The following KAT8 variants were observed in gnomAD, a reference collection of about 807,000 sequenced individuals.
KAT8 encodes lysine acetyltransferase 8, also known as histone acetyltransferase KAT8.
KAT8 carries 40 observed loss-of-function variants against 62.9 expected under a neutral mutation model. The ratio of observed to expected loss-of-function variants is 0.64; its 90% CI spans 0.49 to 0.83. The LOEUF is 0.83. Ranked by LOEUF, KAT8 falls within the 40% of genes least tolerant of loss-of-function variation. KAT8 has a pLI of 0.00. For synonymous variants in KAT8, 278 were observed against 254.5 expected (o/e 1.09, Z -0.88); for missense variants, 387 against 614.8 (o/e 0.63, Z 3.92).
At chr16:31,125,108 C>T (rs997420817) in intron 3 of KAT8, among the ~76,000 whole-genome samples, 1 of 151,672 alleles carries the variant, frequency 6.6e-6, no homozygotes, top group Non-Finnish European at 1.5e-5. Context: ...AGGAGAATCA[C>T]TTAAGCCCAG....
At position 31,128,092 on chromosome 16, in the gene KAT8, C is replaced by T. The variant is rs534168969; in HGVS notation, c.724C>T (p.Arg242Cys). Residue 242 changes from arginine to cysteine, a missense_variant, in exon 6 of 11, where the codon CGC becomes TGC. Around this residue, in one of 6 missense-constraint regions of KAT8, gnomAD observed 141 missense variants for 222.5 expected, o/e 0.63. Transcript: ENST00000219797. ...GCAGCCCCCCGGGAAAGAGATCTAC[C>T]GCAAGAGCAACATCTCCGTGTACGA... ...WRQPPGKEIY[R>C]KSNISVYEVD... 9.3e-6 allele frequency: 15 copies of T among 1,614,028 alleles called. No homozygotes were observed. Among genetic ancestry groups the T allele is most frequent in the African/African-American group, 2.7e-5 (2 of 75,038 alleles).
In KAT8 at chr16:31,124,183, T is replaced by G. The variant is rs1313462707; in HGVS notation, c.463-2852T>G. ...AAATCTTTCTTCCTCATCTTTACAG[T>G]GGTTAGGTTCAGAATTGGACAGACC... is the stretch of plus-strand genomic sequence containing the variant. On this transcript the variant is annotated intron_variant, in intron 3 of 10. Coordinates refer to ENST00000219797, the MANE Select transcript of KAT8 (RefSeq NM_032188.3). The G allele has an allele frequency of 2.0e-5, 3 of 152,208 alleles. No homozygotes were observed. In the East Asian group the frequency reaches 5.8e-4, roughly 29 times the overall value. 9.4% of individuals were successfully genotyped at this position (152,208 alleles called of 1,614,324 possible). A position where few individuals can be genotyped will look rare whatever the true frequency, so the allele number is the denominator to read the frequency against.
At chr16:31,126,653 G>A in intron 3 of KAT8, 1 of 233,826 alleles carries the variant, frequency 4.3e-6, no homozygotes, top group South Asian at 5.4e-5. Context: ...AGGAACATCG[G>A]GGAGGTAGTA....
chr16:31,126,884 C>G (rs2057535286), intron 3 of KAT8, 151 bp from the exon 4 acceptor site: 1 of 783,166 alleles, frequency 1.3e-6, no homozygotes, highest in Non-Finnish European at 2.1e-6. Flanking sequence ...GCTTCAGAAC[C>G]AAGTCAGATA....
rs374418222 is a variant in KAT8 at position 31,130,621 on chromosome 16, C to T, written c.1157+15C>T. 22 of 1,613,578 alleles carry T rather than the reference C, an allele frequency of 1.4e-5. No homozygotes were observed. Among genetic ancestry groups the T allele is most frequent in the South Asian group, 4.4e-5 (4 of 91,032 alleles). On this transcript the variant is annotated intron_variant, in intron 9 of 10. Coordinates refer to ENST00000219797, the MANE Select transcript of KAT8 (RefSeq NM_032188.3). Reference sequence around the variant, plus strand: ...AAGGACCTCAGGTGAGGGGGCCTCCCGGGCCCTGGGGGCAGGACTTGCCCT... The same window carrying T: ...AAGGACCTCAGGTGAGGGGGCCTCCTGGGCCCTGGGGGCAGGACTTGCCCT...
At chr16:31,127,899 T>C (rs1476501705) in intron 5 of KAT8, 151 bp from the exon 6 acceptor site, 2 of 644,208 alleles carry the variant, frequency 3.1e-6, no homozygotes, top group Non-Finnish European at 5.6e-6. Context: ...ATCACTTTCC[T>C]AAGGCTGCTG....
chr16:31,118,186 C>T (rs2057464828), intron 1 of KAT8: 1 of 331,772 alleles, frequency 3.0e-6, no homozygotes. Context: ...ATTCCTTTTT[C>T]TTGCTAACGC....
chr16:31,117,928 G>A (rs2057461238), intron 1 of KAT8, 36 bp downstream of exon 1: 2 of 1,284,886 alleles, frequency 1.6e-6, no homozygotes, highest in Non-Finnish European at 2.0e-6. Context: ...GCGGGGCGGA[G>A]CTCAGGGCCA....
chr16:31,130,705 A>G, intron 9 of KAT8, 41 bp from the exon 10 acceptor site: 1 of 1,612,230 alleles, frequency 6.2e-7, no homozygotes, highest in African/African-American at 1.3e-5. Flanking sequence ...AGATCCCACA[A>G]GGGCACCAGG....
rs17855606 is a variant in KAT8, at chr16:31,130,950, A to G, written c.1312+50A>G. ...GGGGGCGGTGGGGGAGTGTCAGTATATGGACTGGTAGGAGTCAAGGCCTCC... is the reference window on the plus strand; with the variant it reads ...GGGGGCGGTGGGGGAGTGTCAGTATGTGGACTGGTAGGAGTCAAGGCCTCC... On this transcript the variant is annotated intron_variant, in intron 10 of 10. Transcript: ENST00000219797. 0.3 allele frequency: 474,128 copies of G among 1,581,586 alleles called. 78,853 individuals carry two copies. The highest frequency in any genetic ancestry group is 0.35 in the Non-Finnish European group (404,512 of 1,162,292).
At chr16:31,128,847 C>T (rs193174365) in intron 6 of KAT8, among the ~76,000 whole-genome samples, 3 of 152,134 alleles carry the variant, frequency 2.0e-5, no homozygotes, top group African/African-American at 4.8e-5. Flanking sequence ...TTCCTGGCCC[C>T]GAATGACTTC....
rs1434661894 is a variant in KAT8 at position 31,130,278 on chromosome 16, C to G, written c.924C>G (p.Ser308=). Reference sequence around the variant, plus strand: ...CCTGCCTCCTGCAGGAGAAGGAGTCCCCGGATGGAAACAATGTGGCCTGCA... The same window carrying G: ...CCTGCCTCCTGCAGGAGAAGGAGTCGCCGGATGGAAACAATGTGGCCTGCA... ...IVGYFSKEKE[S]PDGNNVACIL... The change falls in exon 8 of 11, where the codon TCC becomes TCG. Residue 308 remains serine, a synonymous_variant. Transcript: ENST00000219797. 1 of 1,614,152 alleles carries G rather than the reference C, an allele frequency of 6.2e-7. No homozygotes were observed. The highest frequency in any genetic ancestry group is 8.5e-7 in the Non-Finnish European group (1 of 1,180,034).
intron 5 of KAT8, among the ~76,000 whole-genome samples, chr16:31,127,715 A>G (rs1318515894): frequency 2.0e-5 from 3 of 152,174 alleles, no homozygotes; most frequent in African/African-American, 7.2e-5. Flanking sequence ...CGCTCTCATC[A>G]CTGACACAGT....
chr16:31,127,177 C>T lies in KAT8; in HGVS notation c.517-12C>T. 1 of 1,614,244 alleles carries T rather than the reference C, an allele frequency of 6.2e-7. No homozygotes were observed. Among genetic ancestry groups the T allele is most frequent in the Non-Finnish European group, 8.5e-7 (1 of 1,180,038 alleles). ...AGCCGTGCACTGTGCCTCACTCCCA[C>T]CCTGCCTGCAGATCACCAAGGTGAA... On this transcript the variant is annotated splice_polypyrimidine_tract_variant and intron_variant, in intron 4 of 10. Transcript: ENST00000219797.
At position 31,129,947 on chromosome 16, in the gene KAT8, G is replaced by A. The variant is rs542191460; in HGVS notation, c.772-70G>A. 2.8e-5 allele frequency: 44 copies of A among 1,569,054 alleles called. 2 individuals carry two copies. Among genetic ancestry groups the A allele is most frequent in the Middle Eastern group, 3.9e-4 (2 of 5,154 alleles). On this transcript the variant is annotated intron_variant, in intron 6 of 10. Coordinates refer to ENST00000219797, the MANE Select transcript of KAT8 (RefSeq NM_032188.3). Reference sequence around the variant, plus strand: ...CGCCCACTTCGCGTGGGCTGGTGCCGGCCGCTGGAACCAGCTGGGTGGGGC... The same window carrying A: ...CGCCCACTTCGCGTGGGCTGGTGCCAGCCGCTGGAACCAGCTGGGTGGGGC...
chr16:31,131,261 C>T lies in KAT8; in HGVS notation c.*2C>T. 6.2e-7 allele frequency: 1 copy of T among 1,614,186 alleles called. No homozygotes were observed. Among genetic ancestry groups the T allele is most frequent in the Non-Finnish European group, 8.5e-7 (1 of 1,180,002 alleles). ...CAAGTCAAGCTCTCCAAGAAGTGAG[C>T]AGCCTGGCCCCTGCTGTCGGACCTG... On this transcript the variant is annotated 3_prime_UTR_variant, in exon 11 of 11. Coordinates refer to ENST00000219797, the MANE Select transcript of KAT8 (RefSeq NM_032188.3).
intron 3 of KAT8, chr16:31,126,766 C>T: frequency 2.0e-6 from 1 of 491,096 alleles, no homozygotes; most frequent in Non-Finnish European, 3.7e-6. Context: ...GAAGCCCCAT[C>T]CTGATCCTAA....
intron 1 of KAT8, chr16:31,118,265 G>C (rs1331438651): frequency 5.2e-6 from 1 of 190,926 alleles, no homozygotes; most frequent in African/African-American, 2.3e-5. Context: ...TCCGCAGAGA[G>C]AAGACCTTCC....
intron 5 of KAT8, among the ~76,000 whole-genome samples, chr16:31,127,774 G>T (rs1237135180): frequency 6.6e-6 from 1 of 152,204 alleles, no homozygotes; most frequent in Non-Finnish European, 1.5e-5. Context: ...TGTGGTTTAG[G>T]GAAGCCATTG....
Sources: gnomAD v4.1 joint callset for allele counts (sites outside exome capture counted in the v4.1 genomes callset) on GRCh38, gnomAD v4.1.1 for gene constraint, gnomAD v4.1.1 regional missense constraint, MANE v1.5 for transcripts, NCBI Gene and HGNC (gene_info 2026-07-23, HGNC 2026-07-21) for gene names.